The following SPAG9 variants were observed in gnomAD, a reference collection of about 807,000 sequenced individuals.
SPAG9 encodes the protein sperm associated antigen 9.
A neutral mutation model predicts 166.5 loss-of-function variants in SPAG9; 35 were observed. That is an observed-to-expected ratio of 0.21 (90% confidence interval 0.16 to 0.28). SPAG9 has a LOEUF of 0.28. SPAG9 is among the 10% of genes least tolerant of loss of function. SPAG9 has a pLI of 1.00. For synonymous variants in SPAG9, 534 were observed against 565.5 expected, an observed-to-expected ratio of 0.94 and a Z score of 0.79; for missense variants, 1,235 against 1,603.3, an observed-to-expected ratio of 0.77 and a Z score of 3.92.
intron 3 of SPAG9, among the ~76,000 whole-genome samples, chr17:51,055,004 T>C (rs534813318): frequency 1.3e-5 from 2 of 152,330 alleles, no homozygotes; most frequent in Admixed American, 1.3e-4. Context: ...TGGGGTTTTC[T>C]GTTCCTTAAA....
At chr17:51,031,222 G>T (rs750251647) in intron 6 of SPAG9, 1 of 183,728 alleles carries the variant, frequency 5.4e-6, no homozygotes, top group Non-Finnish European at 1.2e-5. Context: ...CCTGTAGTAG[G>T]CTCTTAACAG....
At chr17:51,106,748 G>C (rs2048961395) in intron 1 of SPAG9, among the ~76,000 whole-genome samples, 1 of 152,076 alleles carries the variant, frequency 6.6e-6, no homozygotes. Context: ...AGTGATCCAA[G>C]ATCAAGCCAC....
intron 5 of SPAG9, among the ~76,000 whole-genome samples, chr17:51,037,681 A>G (rs1240260759): frequency 5.1e-5 from 5 of 98,744 alleles, no homozygotes; most frequent in Non-Finnish European, 1.2e-4. Flanking sequence ...ATATATATAT[A>G]TATAGTGTGT....
At chr17:51,031,531 G>A (rs1043445451) in intron 6 of SPAG9, 150 bp downstream of exon 6, 2 of 653,724 alleles carry the variant, frequency 3.1e-6, no homozygotes, top group African/African-American at 1.8e-5. Flanking sequence ...CCACTACAGT[G>A]GAAATAATTT....
intron 20 of SPAG9, 135 bp from the exon 21 acceptor site, chr17:50,990,007 A>C (rs1006954067): frequency 3.9e-6 from 3 of 770,526 alleles, no homozygotes; most frequent in Non-Finnish European, 6.4e-6. Flanking sequence ...AGAATTCTTC[A>C]TTCCATTTAA....
In SPAG9 at chr17:51,120,278, C is replaced by A. The variant is rs909790898; in HGVS notation, c.303+76G>T. 7.1e-6 allele frequency: 9 copies of A among 1,259,486 alleles called. No homozygotes were observed. The highest frequency in any genetic ancestry group is 9.1e-6 in the Non-Finnish European group (9 of 984,566). 78.0% of individuals were successfully genotyped at this position (1,259,486 alleles called of 1,614,324 possible). A position where few individuals can be genotyped will look rare whatever the true frequency, so the allele number is the denominator to read the frequency against. On this transcript the variant is annotated intron_variant, in intron 1 of 29. Transcript: ENST00000262013. The surrounding 1 kb of genome is among the most constrained non-coding windows in gnomAD (Gnocchi z 4.7). ...CAGGAGGCCCGTCGCGCCTCTAGTC[C>A]CCGACCGGGCCGCGACCCCGCCCCG...
At chr17:51,002,459 A>G (rs991709616) in intron 12 of SPAG9, among the ~76,000 whole-genome samples, 1 of 152,214 alleles carries the variant, frequency 6.6e-6, no homozygotes, top group Non-Finnish European at 1.5e-5. Flanking sequence ...GTTCTTAAAA[A>G]TATATAAAAA....
In SPAG9 at chr17:51,033,034, T is replaced by C. The variant is rs565538346; in HGVS notation, c.742-1312A>G. ...CTTTAACAGATGTGGTTTTTTTTTT[T>C]CCCCTAGCTTTATTGAGATATAACT... On this transcript the variant is annotated intron_variant, in intron 5 of 29. Transcript: ENST00000262013. Among the ~76,000 whole-genome samples the C allele has an allele frequency of 5.5e-3, 840 of 151,536 alleles. 4 individuals are homozygous for C. Among genetic ancestry groups the C allele is most frequent in the African/African-American group, 0.018 (731 of 41,158 alleles).
chr17:51,058,700 G>A lies in SPAG9; in HGVS notation c.425-2218C>T, dbSNP rs536773805. On this transcript the variant is annotated intron_variant, in intron 2 of 29. Coordinates refer to ENST00000262013, the MANE Select transcript of SPAG9 (RefSeq NM_001130528.3). ...CAAGCAAAATGTGTACCCAAGTCAG[G>A]GAGATGCACATTAAAACCAAAATGC... Among the ~76,000 whole-genome samples, 3 of 152,212 alleles carry A rather than the reference G, an allele frequency of 2.0e-5. No individual in the cohort carries two copies. In the East Asian group the frequency reaches 5.8e-4, roughly 29 times the overall value.
At chr17:51,076,663 G>C (rs1256065730) in intron 2 of SPAG9, among the ~76,000 whole-genome samples, 1 of 151,980 alleles carries the variant, frequency 6.6e-6, no homozygotes, top group Non-Finnish European at 1.5e-5. Flanking sequence ...TTGACCCCAG[G>C]GGGCGGAGGT....
At chr17:51,043,930 A>G (rs1385043164) in intron 4 of SPAG9, among the ~76,000 whole-genome samples, 1 of 152,202 alleles carries the variant, frequency 6.6e-6, no homozygotes, top group Non-Finnish European at 1.5e-5. Context: ...TCAGTTGACA[A>G]AATCTACAAT....
chr17:51,103,174 G>A (rs1252762816), intron 1 of SPAG9, among the ~76,000 whole-genome samples: 1 of 152,132 alleles, frequency 6.6e-6, no homozygotes, highest in East Asian at 1.9e-4. Flanking sequence ...TAATTTGAAT[G>A]CACAAAGAGA....
intron 2 of SPAG9, among the ~76,000 whole-genome samples, chr17:51,066,921 T>C (rs2047689641): frequency 6.6e-6 from 1 of 152,146 alleles, no homozygotes; most frequent in African/African-American, 2.4e-5. Context: ...ACGTCTGTTA[T>C]TATAAATGAT....
intron 12 of SPAG9, among the ~76,000 whole-genome samples, chr17:51,002,205 CAG>C (rs1222003128): frequency 2.6e-5 from 4 of 151,900 alleles, no homozygotes; most frequent in African/African-American, 9.7e-5. Context: ...TTTGTAGAGA[CAG>C]GGTCTCGTTA....
At chr17:51,093,837 C>A (rs763757533) in intron 1 of SPAG9, among the ~76,000 whole-genome samples, 1 of 151,968 alleles carries the variant, frequency 6.6e-6, no homozygotes, top group Non-Finnish European at 1.5e-5. Context: ...AGTAATATCC[C>A]TAGTAGGTAG....
rs769833184 is a variant in SPAG9 at position 51,001,759 on chromosome 17, T to A, written c.1563A>T (p.Arg521Ser). ...GAACAGCTTCCTGAAGCTCCATCAA[T>A]CTCTCTTTATACTGGTTTCGCTCCA... ...VLMERNQYKERLMELQEAVRW... is the reference protein window; with the variant it reads ...VLMERNQYKESLMELQEAVRW... The change falls in exon 13 of 30, where the codon AGA (arginine) becomes AGT (serine). Residue 521 changes from arginine to serine, a missense_variant. Arg to Ser is a moderately radical substitution (Grantham distance 110). Transcript: ENST00000262013. 6.2e-7 allele frequency: 1 copy of A among 1,613,062 alleles called. No homozygotes were observed. Among genetic ancestry groups the A allele is most frequent in the Admixed American group, 1.7e-5 (1 of 59,674 alleles).
At chr17:51,110,785 C>G (rs920308659) in intron 1 of SPAG9, among the ~76,000 whole-genome samples, 1 of 151,962 alleles carries the variant, frequency 6.6e-6, no homozygotes, top group South Asian at 2.1e-4. Flanking sequence ...TTGGGTGTGC[C>G]TATTATGCCA....
chr17:51,037,683 A>AGTGTGTG (rs1365192065), intron 5 of SPAG9, among the ~76,000 whole-genome samples: 1,979 of 101,870 alleles, frequency 0.019, 127 homozygotes, highest in Non-Finnish European at 0.035. Context: ...ATATATATAT[A>AGTGTGTG]TAGTGTGTGT....
intron 15 of SPAG9, among the ~76,000 whole-genome samples, chr17:50,997,596 A>G (rs1430981485): frequency 6.6e-6 from 1 of 152,212 alleles, no homozygotes; most frequent in Admixed American, 6.5e-5. Flanking sequence ...TTTTCATAAG[A>G]TGAGTTGCTA....
Sources: allele counts gnomAD v4.1 joint callset (sites outside exome capture counted in the v4.1 genomes callset), GRCh38; gene constraint gnomAD v4.1.1; non-coding constraint Gnocchi (gnomAD v3.1); transcripts MANE v1.5; gene names NCBI Gene and HGNC (gene_info 2026-07-23, HGNC 2026-07-21).